The following DUSP19 variants were observed in gnomAD, a reference collection of about 807,000 sequenced individuals.
The protein encoded by DUSP19 is dual specificity protein phosphatase 19.
Under a neutral mutation model 16.6 loss-of-function variants are expected in DUSP19, and 14 were observed. The observed-to-expected ratio is 0.84, with a 90% CI of 0.56 to 1.32. DUSP19 has a LOEUF of 1.32. DUSP19 is among the 40% of genes most tolerant of loss of function. The probability of loss-of-function intolerance (pLI) is 0.00; values close to 1 mark genes in which losing one functional copy is unlikely to be tolerated. For synonymous variants in DUSP19, 81 were observed against 90.5 expected (o/e 0.90, Z 0.59); for missense variants, 258 against 255.9 (o/e 1.01, Z -0.06).
intron 1 of DUSP19, 42 bp from the exon 2 acceptor site, chr2:183,083,466 G>A (rs766577951): frequency 1.3e-6 from 2 of 1,518,782 alleles, no homozygotes; most frequent in Non-Finnish European, 1.8e-6. Flanking sequence ...AGTTCAAGAT[G>A]ATTATATTTG....
intron 3 of DUSP19, among the ~76,000 whole-genome samples, chr2:183,091,441 G>A (rs942262743): frequency 2.0e-5 from 3 of 152,200 alleles, no homozygotes; most frequent in African/African-American, 7.2e-5. Context: ...CCAAGGGACA[G>A]GATACAGAAT....
At chr2:183,081,153 T>G (rs1410623437) in intron 1 of DUSP19, among the ~76,000 whole-genome samples, 2 of 152,242 alleles carry the variant, frequency 1.3e-5, no homozygotes, top group Non-Finnish European at 2.9e-5. Flanking sequence ...AAATATTACA[T>G]AGGCCCTCGA....
At chr2:183,091,153 G>A (rs779804755) in intron 3 of DUSP19, among the ~76,000 whole-genome samples, 3 of 152,128 alleles carry the variant, frequency 2.0e-5, no homozygotes, top group Non-Finnish European at 4.4e-5. Flanking sequence ...TATGAGACAT[G>A]TAAGCTGTTT....
In DUSP19 at chr2:183,097,571, C is replaced by A. The variant is rs979514632; in HGVS notation, c.*1913C>A. The A allele has an allele frequency of 6.6e-6, 1 of 152,106 alleles. No individual in the cohort carries two copies. The highest frequency in any genetic ancestry group is 2.1e-4 in the South Asian group (1 of 4,822). The allele number at this position is 152,106 out of a possible 1,614,324, so 9.4% of individuals were successfully genotyped here. On this transcript the variant is annotated 3_prime_UTR_variant, in exon 4 of 4. Transcript: ENST00000354221. Reference sequence around the variant, plus strand: ...CTTACACCGTGACAAGATGCCATCACTTGTGATGTTATGAACTGTTATAAA... The same window carrying A: ...CTTACACCGTGACAAGATGCCATCAATTGTGATGTTATGAACTGTTATAAA...
intron 3 of DUSP19, among the ~76,000 whole-genome samples, chr2:183,088,861 C>T (rs997723717): frequency 1.3e-5 from 2 of 152,112 alleles, no homozygotes; most frequent in East Asian, 1.9e-4. Flanking sequence ...TGTATTGGCT[C>T]CTTCTCTAAG....
Position 183,099,268 on chromosome 2 carries a change from A to G in DUSP19, c.*3610A>G, listed in dbSNP as rs1276818864. The G allele has an allele frequency of 6.6e-6, 1 of 152,224 alleles. No individual in the cohort carries two copies. Among genetic ancestry groups the G allele is most frequent in the Non-Finnish European group, 1.5e-5 (1 of 68,026 alleles). The allele number at this position is 152,224 out of a possible 1,614,324, so 9.4% of individuals were successfully genotyped here. A position where few individuals can be genotyped will look rare whatever the true frequency, so the allele number is the denominator to read the frequency against. On this transcript the variant is annotated 3_prime_UTR_variant, in exon 4 of 4. Transcript: ENST00000354221. ...TAATGAGTCAATACCTTTATAAGCAAAACCATGATAAATTTAAAAACAACA... is the reference window on the plus strand; with the variant it reads ...TAATGAGTCAATACCTTTATAAGCAGAACCATGATAAATTTAAAAACAACA...
rs1341050338 is a variant in DUSP19, at chr2:183,099,186, T to A, written c.*3528T>A. 6.6e-6 allele frequency: 1 copy of A among 152,202 alleles called. No homozygotes were observed. The highest frequency in any genetic ancestry group is 2.4e-5 in the African/African-American group (1 of 41,450). 9.4% of individuals were successfully genotyped at this position (152,202 alleles called of 1,614,324 possible). ...CTTCAAGTGTTGTTTCTCCAAGTAG[T>A]CATAAATGTAGCAAGTATAAATCAG... On this transcript the variant is annotated 3_prime_UTR_variant, in exon 4 of 4. Transcript: ENST00000354221.
intron 3 of DUSP19, among the ~76,000 whole-genome samples, chr2:183,093,905 G>C (rs1204816616): frequency 1.3e-5 from 2 of 152,068 alleles, no homozygotes; most frequent in African/African-American, 4.8e-5. Context: ...GCTAAATGAA[G>C]TTCATTAATA....
chr2:183,088,672 C>T (rs1257099061), intron 3 of DUSP19, among the ~76,000 whole-genome samples: 1 of 152,008 alleles, frequency 6.6e-6, no homozygotes, highest in African/African-American at 2.4e-5. Flanking sequence ...GACCACCTGC[C>T]TCAGCCTCCC....
At chr2:183,095,194 A>T (rs563427412) in intron 3 of DUSP19, among the ~76,000 whole-genome samples, 5 of 152,330 alleles carry the variant, frequency 3.3e-5, no homozygotes, top group African/African-American at 1.2e-4. Context: ...AACATCATTA[A>T]AGCATTTCAA....
chr2:183,079,194 C>A, intron 1 of DUSP19, 35 bp downstream of exon 1: 1 of 1,572,772 alleles, frequency 6.4e-7, no homozygotes, highest in South Asian at 1.1e-5. Flanking sequence ...ATCATTGAGT[C>A]CTTTTAGCCA....
rs1452652653 is a variant in DUSP19, at chr2:183,095,553, A to C, written c.549A>C (p.Ala183=). The C allele has an allele frequency of 1.2e-6, 2 of 1,614,108 alleles. No homozygotes were observed. Residue 183 remains alanine, a synonymous_variant, in exon 4 of 4, where the codon GCA becomes GCC. Coordinates refer to ENST00000354221, the MANE Select transcript of DUSP19 (RefSeq NM_080876.4). The part of the protein sequence containing the change: ...FTSAFSLVKN[A]RPSICPNSGF... ...GTGCTTTTTCTTTGGTGAAAAATGC[A>C]AGACCTTCCATATGTCCAAATTCTG...
At chr2:183,090,803 G>A (rs1699722523) in intron 3 of DUSP19, among the ~76,000 whole-genome samples, 1 of 152,144 alleles carries the variant, frequency 6.6e-6, no homozygotes, top group Admixed American at 6.5e-5. Flanking sequence ...CTGGGAGGGG[G>A]CAGCAAAAAA....
At chr2:183,080,704 T>C (rs1422260482) in intron 1 of DUSP19, among the ~76,000 whole-genome samples, 1 of 152,160 alleles carries the variant, frequency 6.6e-6, no homozygotes, top group Non-Finnish European at 1.5e-5. Context: ...ATCAAGGTAG[T>C]GTTCTGAGAT....
rs759037290 is a variant in DUSP19 at position 183,079,178 on chromosome 2, C to T, written c.226+19C>T. ...CTCCTAGGTGAGTATATCGACTTGC[C>T]ACTAGATCATTGAGTCCTTTTAGCC... On this transcript the variant is annotated intron_variant, in intron 1 of 3. Coordinates refer to ENST00000354221, the MANE Select transcript of DUSP19 (RefSeq NM_080876.4). 1 of 1,603,680 alleles carries T rather than the reference C, an allele frequency of 6.2e-7. No individual in the cohort carries two copies. The highest frequency in any genetic ancestry group is 1.1e-5 in the South Asian group (1 of 90,034).
intron 3 of DUSP19, among the ~76,000 whole-genome samples, chr2:183,088,603 A>G (rs570381608): frequency 6.6e-6 from 1 of 151,184 alleles, no homozygotes; most frequent in Non-Finnish European, 1.5e-5. Context: ...TTTGTATTTT[A>G]GTAGAGACAG....
chr2:183,079,757 T>G (rs978612709), intron 1 of DUSP19, among the ~76,000 whole-genome samples: 3 of 152,182 alleles, frequency 2.0e-5, no homozygotes, highest in African/African-American at 7.2e-5. Context: ...AAATAGCAAA[T>G]GAAGCAAGGT....
In DUSP19 at chr2:183,078,875, C is replaced by G. The variant is rs1699553195; in HGVS notation, c.-59C>G. The G allele has an allele frequency of 6.6e-7, 1 of 1,513,254 alleles. No homozygotes were observed. The highest frequency in any genetic ancestry group is 1.2e-5 in the South Asian group (1 of 84,638). 93.7% of individuals were successfully genotyped at this position (1,513,254 alleles called of 1,614,324 possible). On this transcript the variant is annotated 5_prime_UTR_variant, in exon 1 of 4. Coordinates refer to ENST00000354221, the MANE Select transcript of DUSP19 (RefSeq NM_080876.4). ...CCTGGGCAATAAGGGACTAGCAGTTCAGCCGTTTTCTATGCCTGCTGGATT... is the reference window on the plus strand; with the variant it reads ...CCTGGGCAATAAGGGACTAGCAGTTGAGCCGTTTTCTATGCCTGCTGGATT...
Position 183,079,076 on chromosome 2 carries a change from C to G in DUSP19, c.143C>G (p.Pro48Arg). 2 of 1,613,990 alleles carry G rather than the reference C, an allele frequency of 1.2e-6. No homozygotes were observed. Among genetic ancestry groups the G allele is most frequent in the Non-Finnish European group, 1.7e-6 (2 of 1,180,016 alleles). The change falls in exon 1 of 4, where the codon CCG becomes CGG. Residue 48 changes from proline to arginine, a missense_variant. By Grantham distance (103) the Pro-to-Arg change is moderately radical. Coordinates refer to ENST00000354221, the MANE Select transcript of DUSP19 (RefSeq NM_080876.4). The part of the protein sequence containing the change: ...ARIHVVEEVE[P>R]SSGGGCGYVQ... ...ATTCATGTTGTGGAAGAAGTAGAGC[C>G]GAGCAGTGGGGGTGGTTGTGGTTAT...
Sources: gnomAD v4.1 joint callset for allele counts (sites outside exome capture counted in the v4.1 genomes callset) on GRCh38, gnomAD v4.1.1 for gene constraint, MANE v1.5 for transcripts, NCBI Gene and HGNC (gene_info 2026-07-23, HGNC 2026-07-21) for gene names.